Variants in CCDC7 observed in about 807,000 individuals in gnomAD.
CCDC7 encodes coiled-coil domain-containing protein 7.
In CCDC7, 183 loss-of-function variants were observed where a neutral mutation model predicts 196.9. The ratio of observed to expected loss-of-function variants is 0.93; its 90% CI spans 0.82 to 1.05. The LOEUF is 1.05. CCDC7 is among the 50% of genes least tolerant of loss of function. The probability of loss-of-function intolerance (pLI) is 0.00; values close to 1 mark genes in which losing one functional copy is unlikely to be tolerated. For synonymous variants in CCDC7, 525 were observed against 484.6 expected (o/e 1.08, Z -1.10); for missense variants, 1,540 against 1,482.2 (o/e 1.04, Z -0.64).
intron 24 of CCDC7, among the ~76,000 whole-genome samples, chr10:32,700,743 T>A (rs2078564214): frequency 6.6e-6 from 1 of 152,232 alleles, no homozygotes; most frequent in Non-Finnish European, 1.5e-5. Flanking sequence ...AGCAGTGGTT[T>A]GTAGTTCTCC....
At chr10:32,448,118 C>G (rs1045683532), upstream of CCDC7, among the ~76,000 whole-genome samples, 1 of 152,104 alleles carries the variant, frequency 6.6e-6, no homozygotes, top group Non-Finnish European at 1.5e-5. Flanking sequence ...ATAGTGTTAA[C>G]TATAGTGTTT....
chr10:32,784,168 A>G (rs1024776722), intron 29 of CCDC7, among the ~76,000 whole-genome samples: 4 of 152,242 alleles, frequency 2.6e-5, no homozygotes, highest in African/African-American at 9.6e-5. Flanking sequence ...CACAATAAAA[A>G]TGAAGGTATT....
At chr10:32,667,063 C>T (rs2072943518) in intron 21 of CCDC7, among the ~76,000 whole-genome samples, 1 of 152,154 alleles carries the variant, frequency 6.6e-6, no homozygotes, top group African/African-American at 2.4e-5. Flanking sequence ...TTAATGATCA[C>T]CATTCTAACT....
At chr10:32,620,948 G>A (rs995205559) in intron 18 of CCDC7, among the ~76,000 whole-genome samples, 10 of 152,094 alleles carry the variant, frequency 6.6e-5, no homozygotes, top group Admixed American at 2.6e-4. Flanking sequence ...CATTTGAGCT[G>A]AATTTAATCT....
chr10:32,661,642 T>C (rs1342583165), intron 20 of CCDC7, among the ~76,000 whole-genome samples: 1 of 152,130 alleles, frequency 6.6e-6, no homozygotes, highest in Non-Finnish European at 1.5e-5. Flanking sequence ...GCAAGTTCCC[T>C]TTTGGCCCAG....
At chr10:32,662,023 G>T (rs903129366) in intron 20 of CCDC7, among the ~76,000 whole-genome samples, 3 of 152,070 alleles carry the variant, frequency 2.0e-5, no homozygotes, top group African/African-American at 7.2e-5. Context: ...GGTAAGGCTT[G>T]CCAGAACTCA....
chr10:32,841,878 T>C (rs1027171827), intron 33 of CCDC7, among the ~76,000 whole-genome samples: 1 of 152,104 alleles, frequency 6.6e-6, no homozygotes, highest in African/African-American at 2.4e-5. Flanking sequence ...ATTCAACGAA[T>C]GTTGCTGGAG....
chr10:32,847,938 C>T, intron 38 of CCDC7, 22 bp downstream of exon 39: 1 of 1,428,080 alleles, frequency 7.0e-7, no homozygotes, highest in East Asian at 2.3e-5. Context: ...AATTTTAAGT[C>T]TAATATTTAC....
At chr10:32,595,544 C>A (rs919960505) in intron 18 of CCDC7, among the ~76,000 whole-genome samples, 2 of 152,196 alleles carry the variant, frequency 1.3e-5, no homozygotes, top group African/African-American at 4.8e-5. Flanking sequence ...CTATCTCCTT[C>A]AGTTCTGCTC....
At chr10:32,749,189 A>G (rs970091699) in intron 28 of CCDC7, among the ~76,000 whole-genome samples, 2 of 152,166 alleles carry the variant, frequency 1.3e-5, no homozygotes, top group Non-Finnish European at 2.9e-5. Context: ...TGAAGTATCT[A>G]AGAAGAGTTA....
intron 28 of CCDC7, among the ~76,000 whole-genome samples, chr10:32,755,704 A>T (rs1442138435): frequency 6.6e-6 from 1 of 152,194 alleles, no homozygotes; most frequent in Non-Finnish European, 1.5e-5. Context: ...CTTCTCCTCC[A>T]AAGGAATGCA....
At chr10:32,860,473 A>G (rs1365325828) in intron 41 of CCDC7, among the ~76,000 whole-genome samples, 1 of 152,190 alleles carries the variant, frequency 6.6e-6, no homozygotes, top group Non-Finnish European at 1.5e-5. Flanking sequence ...AATGGGCAAA[A>G]ACTGGAAGCA....
intron 13 of CCDC7, among the ~76,000 whole-genome samples, chr10:32,549,095 T>C (rs2053021697): frequency 6.6e-6 from 1 of 152,148 alleles, no homozygotes; most frequent in Admixed American, 6.5e-5. Flanking sequence ...ATTTTTTGAT[T>C]ATGGGCATTC....
At chr10:32,488,622 G>T (rs972429896) in intron 8 of CCDC7, among the ~76,000 whole-genome samples, 1 of 152,088 alleles carries the variant, frequency 6.6e-6, no homozygotes, top group Admixed American at 6.6e-5. Flanking sequence ...TGGCCATCTT[G>T]GCTCCAACCC....
intron 13 of CCDC7, among the ~76,000 whole-genome samples, chr10:32,557,609 A>G (rs1334990470): frequency 6.6e-6 from 1 of 152,182 alleles, no homozygotes; most frequent in African/African-American, 2.4e-5. Context: ...TTCCACTGTC[A>G]TCAGATCCCA....
At chr10:32,690,644 A>G (rs2076976605) in intron 23 of CCDC7, among the ~76,000 whole-genome samples, 1 of 152,252 alleles carries the variant, frequency 6.6e-6, no homozygotes, top group Non-Finnish European at 1.5e-5. Flanking sequence ...TTGCTTCATT[A>G]AGCTCAACAA....
intron 16 of CCDC7, 38 bp downstream of exon 17, chr10:32,571,931 A>C: frequency 3.2e-6 from 5 of 1,552,884 alleles, no homozygotes; most frequent in Non-Finnish European, 4.3e-6. Flanking sequence ...CTCATTTTCT[A>C]ATCTTTATCA....
upstream of CCDC7, among the ~76,000 whole-genome samples, chr10:32,448,452 A>G (rs2032047261): frequency 1.3e-5 from 2 of 152,218 alleles, no homozygotes; most frequent in Middle Eastern, 3.4e-3. Context: ...TACATCAACA[A>G]TTGTTATCTG....
intron 23 of CCDC7, among the ~76,000 whole-genome samples, chr10:32,694,638 C>A (rs2077477580): frequency 6.6e-6 from 1 of 152,050 alleles, no homozygotes; most frequent in Admixed American, 6.6e-5. Context: ...GTATAAATAA[C>A]ATAAGGAAAC....
Sources: allele counts gnomAD v4.1 joint callset (sites outside exome capture counted in the v4.1 genomes callset), GRCh38; gene constraint gnomAD v4.1.1; transcripts MANE v1.5; gene names NCBI Gene and HGNC (gene_info 2026-07-23, HGNC 2026-07-21).